The following SEC23B variants were observed in gnomAD, a reference collection of about 807,000 sequenced individuals.
The protein encoded by SEC23B is SEC23 homolog B, COPII component.
SEC23B carries 77 observed loss-of-function variants against 104.3 expected under a neutral mutation model. The ratio of observed to expected loss-of-function variants is 0.74; its 90% CI spans 0.61 to 0.89. The LOEUF (loss-of-function observed/expected upper bound fraction) is 0.89, where lower values mean the gene tolerates loss of function less well. Ranked by LOEUF, SEC23B falls within the 40% of genes least tolerant of loss-of-function variation. The probability of loss-of-function intolerance (pLI) is 0.00; values close to 1 mark genes in which losing one functional copy is unlikely to be tolerated. For missense variants in SEC23B, 885 were observed against 949.4 expected (o/e 0.93, Z 0.89); for synonymous variants, 338 against 332.5 (o/e 1.02, Z -0.18).
chr20:18,541,357 A>G (rs774533534), intron 12 of SEC23B, among the ~76,000 whole-genome samples: 2 of 152,260 alleles, frequency 1.3e-5, no homozygotes, highest in Non-Finnish European at 2.9e-5. Flanking sequence ...ATTTCCTTCA[A>G]GAACTTTTTC....
intron 3 of SEC23B, among the ~76,000 whole-genome samples, chr20:18,513,177 C>T (rs987980970): frequency 3.4e-5 from 5 of 148,730 alleles, no homozygotes; most frequent in African/African-American, 7.5e-5. Context: ...AGCAAGACTC[C>T]GTCTCAAAAT....
chr20:18,549,262 C>G (rs751040625), intron 16 of SEC23B, among the ~76,000 whole-genome samples: 4 of 152,160 alleles, frequency 2.6e-5, no homozygotes, highest in Admixed American at 6.5e-5. Flanking sequence ...CTTAGATACT[C>G]AAGTTACTAA....
At chr20:18,554,030 G>A (rs909723526) in intron 17 of SEC23B, among the ~76,000 whole-genome samples, 1 of 152,170 alleles carries the variant, frequency 6.6e-6, no homozygotes, top group Non-Finnish European at 1.5e-5. Flanking sequence ...TGACATTCCT[G>A]GGGGAATGCG....
At chr20:18,537,089 C>T (rs1016261006) in intron 12 of SEC23B, among the ~76,000 whole-genome samples, 2 of 152,084 alleles carry the variant, frequency 1.3e-5, no homozygotes, top group African/African-American at 4.8e-5. Flanking sequence ...AGTCAGGAAA[C>T]AACAGGTGCT....
At chr20:18,521,729 A>C (rs1244194197) in intron 4 of SEC23B, among the ~76,000 whole-genome samples, 3 of 152,164 alleles carry the variant, frequency 2.0e-5, no homozygotes, top group Non-Finnish European at 4.4e-5. Context: ...ATGAGTCCGT[A>C]GAAAAGGATT....
At chr20:18,524,809 C>G in intron 5 of SEC23B, 126 bp from the exon 6 acceptor site, 1 of 1,228,276 alleles carries the variant, frequency 8.1e-7, no homozygotes, top group East Asian at 2.4e-5. Flanking sequence ...TGGCCCACCT[C>G]AGCCTCATGA....
chr20:18,512,335 GA>G (rs1267038872), intron 3 of SEC23B, 53 bp downstream of exon 3: 7 of 1,199,014 alleles, frequency 5.8e-6, no homozygotes, highest in Admixed American at 5.4e-5. Flanking sequence ...GTTGTATTAT[GA>G]AAAAAATTAA....
intron 12 of SEC23B, among the ~76,000 whole-genome samples, chr20:18,540,729 G>A (rs546738233): frequency 6.6e-6 from 1 of 152,114 alleles, no homozygotes; most frequent in South Asian, 2.1e-4. Context: ...GGTGGTGTAC[G>A]CCTGTAGTCC....
chr20:18,515,773 A>C (rs754371320), intron 4 of SEC23B, 37 bp downstream of exon 4: 1 of 1,233,094 alleles, frequency 8.1e-7, no homozygotes. Flanking sequence ...AGCAATGTTA[A>C]ATACTGAATT....
At chr20:18,546,903 G>GTT (rs58809009) in intron 15 of SEC23B, among the ~76,000 whole-genome samples, 227 of 115,488 alleles carry the variant, frequency 2.0e-3, no homozygotes, top group African/African-American at 6.7e-3. Context: ...GTGGTTTGCA[G>GTT]TTTTTTTTTT....
rs777672751 is a variant in SEC23B at position 18,543,000 on chromosome 20, C to A, written c.1512-19C>A. ...ATCTCTCCTAAACATAAGCATGGCA[C>A]TAACTCTGGAATTGTCAGTTGGGCA... On this transcript the variant is annotated intron_variant, in intron 13 of 19. Coordinates refer to ENST00000650089, the MANE Select transcript of SEC23B (RefSeq NM_006363.6). The A allele has an allele frequency of 5.6e-6, 9 of 1,614,106 alleles. No individual in the cohort carries two copies. In the Admixed American group the frequency reaches 1.5e-4, roughly 27 times the overall value.
chr20:18,555,399 A>G (rs2060427337), intron 19 of SEC23B, among the ~76,000 whole-genome samples: 2 of 151,984 alleles, frequency 1.3e-5, no homozygotes, highest in African/African-American at 4.8e-5. Flanking sequence ...ACAGCAGAAC[A>G]TACCAGGTTC....
chr20:18,524,783 C>G, intron 5 of SEC23B, 114 bp downstream of exon 5: 2 of 1,197,694 alleles, frequency 1.7e-6, no homozygotes, highest in Non-Finnish European at 2.5e-6. Flanking sequence ...GATCATTGCT[C>G]AATGGCTCAA....
In SEC23B at chr20:18,560,911, T is replaced by A. The variant is rs1359129108; in HGVS notation, c.*171T>A. The A allele has an allele frequency of 1.6e-6, 1 of 631,546 alleles. No homozygotes were observed. Among genetic ancestry groups the A allele is most frequent in the East Asian group, 2.8e-5 (1 of 35,454 alleles). The allele number at this position is 631,546 out of a possible 1,614,324, so 39.1% of individuals were successfully genotyped here. A position where few individuals can be genotyped will look rare whatever the true frequency, so the allele number is the denominator to read the frequency against. On this transcript the variant is annotated 3_prime_UTR_variant, in exon 20 of 20. Coordinates refer to ENST00000650089, the MANE Select transcript of SEC23B (RefSeq NM_006363.6). The stretch of plus-strand genomic sequence containing the variant: ...TTTGTATTCCTGTCTTTGTCCTTTT[T>A]CTTGCACTATAAAATTATAAGGTCA...
rs576460133 is a variant in SEC23B at position 18,526,518 on chromosome 20, A to G, written c.980A>G (p.Lys327Arg). ...GAGAAAGATAATGCACGATTCATGA[A>G]AAAGGCAACCAAGGTAGGTGCTCTT... The part of the protein sequence containing the change: ...DIEKDNARFM[K>R]KATKHYEMLA... The change falls in exon 8 of 20, where the codon AAA becomes AGA. Residue 327 changes from lysine (K) to arginine (R), a missense_variant. Transcript: ENST00000650089. 3.1e-6 allele frequency: 5 copies of G among 1,614,200 alleles called. No homozygotes were observed. The highest frequency in any genetic ancestry group is 4.5e-5 in the East Asian group (2 of 44,882).
chr20:18,543,183 G>A lies in SEC23B; in HGVS notation c.1665+11G>A, dbSNP rs777165732. The A allele has an allele frequency of 2.5e-6, 4 of 1,614,164 alleles. No individual in the cohort carries two copies. The highest frequency in any genetic ancestry group is 2.2e-5 in the South Asian group (2 of 91,086). On this transcript the variant is annotated intron_variant, in intron 14 of 19. Transcript: ENST00000650089. The stretch of plus-strand genomic sequence containing the variant: ...CAACTCATCCGACTGGTAAATTGGG[G>A]ACAGTGGCATTAGGTTCAGTCTTGG...
intron 9 of SEC23B, among the ~76,000 whole-genome samples, chr20:18,529,561 G>C (rs2060164697): frequency 6.6e-6 from 1 of 152,198 alleles, no homozygotes; most frequent in African/African-American, 2.4e-5. Flanking sequence ...CTACTAAGCT[G>C]CTCTACCACC....
At chr20:18,513,212 G>A in intron 3 of SEC23B, among the ~76,000 whole-genome samples, 1 of 151,910 alleles carries the variant, frequency 6.6e-6, no homozygotes, top group East Asian at 1.9e-4. Flanking sequence ...GCTGGACATG[G>A]TGGTGCGCAC....
chr20:18,516,296 G>A (rs2060024478), intron 4 of SEC23B, among the ~76,000 whole-genome samples: 1 of 148,392 alleles, frequency 6.7e-6, no homozygotes, highest in Non-Finnish European at 1.5e-5. Context: ...TATTCAGTGA[G>A]GAAAGTTTGT....
Sources: allele counts gnomAD v4.1 joint callset (sites outside exome capture counted in the v4.1 genomes callset), GRCh38; gene constraint gnomAD v4.1.1; transcripts MANE v1.5; gene names NCBI Gene and HGNC (gene_info 2026-07-23, HGNC 2026-07-21).